ANK1: variants seen among roughly 807,000 people sequenced by gnomAD.
ANK1 encodes the protein ankyrin-1.
ANK1 carries 51 observed loss-of-function variants against 210.4 expected under a neutral mutation model. That is an observed-to-expected ratio of 0.24 (90% CI 0.19 to 0.31). The LOEUF (loss-of-function observed/expected upper bound fraction) is 0.31. ANK1 is among the 10% of genes least tolerant of loss of function. ANK1 has a pLI of 1.00. For synonymous variants in ANK1, 967 were observed against 1,025.9 expected, an observed-to-expected ratio of 0.94 and a Z score of 1.10; for missense variants, 2,051 against 2,504.4, an observed-to-expected ratio of 0.82 and a Z score of 3.86.
At chr8:41,842,801 T>G (rs1809210537) in intron 1 of ANK1, among the ~76,000 whole-genome samples, 1 of 152,146 alleles carries the variant, frequency 6.6e-6, no homozygotes, top group Non-Finnish European at 1.5e-5. Flanking sequence ...AATCTATTAT[T>G]TAGATTATTT....
intron 37 of ANK1, among the ~76,000 whole-genome samples, chr8:41,677,998 C>A (rs1814751987): frequency 6.6e-6 from 1 of 152,098 alleles, no homozygotes; most frequent in South Asian, 2.1e-4. Flanking sequence ...TTCTCTTCAC[C>A]ACTGGTTTTG....
intron 42 of ANK1, 49 bp from the exon 43 acceptor site, chr8:41,655,802 C>T (rs779825753): frequency 2.6e-5 from 42 of 1,595,930 alleles, no homozygotes; most frequent in Non-Finnish European, 3.4e-5. Flanking sequence ...AAAAGTGCAA[C>T]GTCCAGCAAA....
At chr8:41,835,585 C>T (rs1011063992) in intron 1 of ANK1, among the ~76,000 whole-genome samples, 4 of 151,736 alleles carry the variant, frequency 2.6e-5, no homozygotes, top group Admixed American at 6.6e-5. Flanking sequence ...TTTGAGGGGG[C>T]GAGGGGAGGA....
At chr8:41,854,173 G>A (rs781557911) in intron 1 of ANK1, among the ~76,000 whole-genome samples, 6 of 152,192 alleles carry the variant, frequency 3.9e-5, no homozygotes, top group Non-Finnish European at 8.8e-5. Context: ...GGCTGTGCCA[G>A]GGCTCTGGGC....
rs1563703286 is a variant in ANK1, at chr8:41,763,887, TTC to T, written c.28-5752_28-5751del. On this transcript the variant is annotated intron_variant, in intron 1 of 42. Coordinates refer to ENST00000289734, the MANE Select transcript of ANK1 (RefSeq NM_000037.4). ...CTTTCTTCTTTCTTTTTTTCTTTTT[TTC>T]TTTTTTTTTTTTTTTTTTTTTTTTT... is the stretch of plus-strand genomic sequence containing the variant. Among the ~76,000 whole-genome samples, 108 of 108,310 alleles carry T rather than the reference TTC, an allele frequency of 1.0e-3. 2 individuals are homozygous for T. Among genetic ancestry groups the T allele is most frequent in the African/African-American group, 3.3e-3 (95 of 29,172 alleles). The allele number at this position is 108,310 out of a possible 152,430, so 71.1% of individuals were successfully genotyped here.
chr8:41,756,637 T>G (rs910019238), intron 2 of ANK1, among the ~76,000 whole-genome samples: 2 of 152,186 alleles, frequency 1.3e-5, no homozygotes, highest in Non-Finnish European at 2.9e-5. Flanking sequence ...GAGATGGGGT[T>G]TCTCCACGAT....
rs59002171 is a variant in ANK1 at position 41,765,989 on chromosome 8, T to C, written c.28-7852A>G. Among the ~76,000 whole-genome samples, 10 of 152,302 alleles carry C rather than the reference T, an allele frequency of 6.6e-5. No homozygotes were observed. The East Asian group carries it at 1.9e-3, about 29-fold the overall frequency. ...CCTAAGTTTTCCCTAGGACAAATCA[T>C]GACTGACCTCAAGATTTTTAGTACA... On this transcript the variant is annotated intron_variant, in intron 1 of 42. Transcript: ENST00000289734.
intron 1 of ANK1, among the ~76,000 whole-genome samples, chr8:41,826,465 C>T (rs2150793577): frequency 6.6e-6 from 1 of 152,246 alleles, no homozygotes; most frequent in East Asian, 1.9e-4. Flanking sequence ...CATCCCCTGC[C>T]CTCTGTCTCT....
At chr8:41,796,167 A>G (rs1020504700) in intron 1 of ANK1, among the ~76,000 whole-genome samples, 1 of 152,202 alleles carries the variant, frequency 6.6e-6, no homozygotes, top group Non-Finnish European at 1.5e-5. Context: ...ATGTTTTCAT[A>G]ACCGAGTAAC....
intron 10 of ANK1, among the ~76,000 whole-genome samples, chr8:41,718,625 C>T (rs1465924828): frequency 1.3e-5 from 2 of 152,154 alleles, no homozygotes; most frequent in African/African-American, 2.4e-5. Flanking sequence ...GTGTGATATA[C>T]TCTGAATGTA....
At chr8:41,831,477 A>G (rs1307905645) in intron 1 of ANK1, among the ~76,000 whole-genome samples, 1 of 152,072 alleles carries the variant, frequency 6.6e-6, no homozygotes, top group Non-Finnish European at 1.5e-5. Context: ...GTGAAACCCC[A>G]TCTCTACTAA....
chr8:41,664,992 G>A (rs773408481), intron 39 of ANK1: 27 of 1,613,968 alleles, frequency 1.7e-5, no homozygotes, highest in African/African-American at 2.7e-5. Flanking sequence ...CAGCACCAGC[G>A]TGACCAACAG....
intron 22 of ANK1, among the ~76,000 whole-genome samples, chr8:41,700,712 G>A (rs984441216): frequency 6.6e-6 from 1 of 152,154 alleles, no homozygotes; most frequent in African/African-American, 2.4e-5. Flanking sequence ...CTGGGGGTAG[G>A]AAAAATACTA....
Position 41,694,885 on chromosome 8 carries a change from C to T in ANK1, c.3116-82G>A. ...TCCAGGGGCCCCAGAGTCTCCTTGT[C>T]CCCAAGACCCAGTGCACACACCCTC... On this transcript the variant is annotated intron_variant, in intron 27 of 42. Transcript: ENST00000289734. The surrounding 1 kb of genome is among the most constrained non-coding windows in gnomAD (Gnocchi z 5.7). 1.4e-6 allele frequency: 2 copies of T among 1,426,244 alleles called. No homozygotes were observed. The highest frequency in any genetic ancestry group is 2.0e-6 in the Non-Finnish European group (2 of 1,024,856). The allele number at this position is 1,426,244 out of a possible 1,614,324, so 88.3% of individuals were successfully genotyped here. A position where few individuals can be genotyped will look rare whatever the true frequency, so the allele number is the denominator to read the frequency against.
chr8:41,827,859 CCACT>C (rs1563858059), intron 1 of ANK1, among the ~76,000 whole-genome samples: 5 of 151,684 alleles, frequency 3.3e-5, no homozygotes, highest in East Asian at 1.9e-4. Flanking sequence ...ATACATACAC[CCACT>C]CACACACCCC....
At position 41,692,665 on chromosome 8, in the gene ANK1, G is replaced by A. The variant is rs764822755; in HGVS notation, c.3841C>T (p.Arg1281Trp). ...EQHENFVEVA[R>W]SRDIEVLEGM... Reference sequence around the variant, plus strand: ...CCTGTTACCTCTATGTCCCTGCTCCGGGCCACCTCCACGAAGTTCTCATGC... The same window carrying A: ...CCTGTTACCTCTATGTCCCTGCTCCAGGCCACCTCCACGAAGTTCTCATGC... The change falls in exon 31 of 43, where the codon CGG becomes TGG. Residue 1281 changes from arginine to tryptophan, a missense_variant. This residue lies in a region of ANK1 where 1,413 missense variants were observed against 1,707.4 expected (regional missense o/e 0.83). Coordinates refer to ENST00000289734, the MANE Select transcript of ANK1 (RefSeq NM_000037.4). The A allele has an allele frequency of 3.1e-6, 5 of 1,613,538 alleles. No individual in the cohort carries two copies. In the Admixed American group the frequency reaches 5.0e-5, roughly 16 times the overall value.
At chr8:41,681,688 C>A (rs764891899) in intron 37 of ANK1, among the ~76,000 whole-genome samples, 1 of 150,096 alleles carries the variant, frequency 6.7e-6, no homozygotes, top group African/African-American at 2.5e-5. Flanking sequence ...CAGGCCATCA[C>A]GAGCCCTGCC....
intron 1 of ANK1, among the ~76,000 whole-genome samples, chr8:41,780,787 T>C (rs1182524612): frequency 6.6e-6 from 1 of 152,174 alleles, no homozygotes; most frequent in African/African-American, 2.4e-5. Context: ...TGTGTATATA[T>C]GTTCTCGTGT....
chr8:41,696,930 C>G lies in ANK1; in HGVS notation c.2638-157G>C, dbSNP rs191735467. 4.6e-3 allele frequency among the ~76,000 whole-genome samples: 694 copies of G among 152,298 alleles called. 3 individuals carry two copies. Among genetic ancestry groups the G allele is most frequent in the African/African-American group, 0.016 (660 of 41,576 alleles). ...ACCCCACCGCCCTGTCAGACAAGGC[C>G]GTCCTGAGGTCTAAAAGGAAGCACG... On this transcript the variant is annotated intron_variant, in intron 24 of 42. Transcript: ENST00000289734.
Sources: gnomAD v4.1 joint callset for allele counts (sites outside exome capture counted in the v4.1 genomes callset) on GRCh38, gnomAD v4.1.1 for gene constraint, gnomAD v4.1.1 regional missense constraint, Gnocchi (gnomAD v3.1) non-coding constraint, MANE v1.5 for transcripts, NCBI Gene and HGNC (gene_info 2026-07-23, HGNC 2026-07-21) for gene names.